INPP5D: variants seen among roughly 807,000 people sequenced by gnomAD.
INPP5D encodes phosphatidylinositol 3,4,5-trisphosphate 5-phosphatase 1.
In INPP5D, 33 loss-of-function variants were observed where a neutral mutation model predicts 122.9. The ratio of observed to expected loss-of-function variants is 0.27; its 90% CI spans 0.20 to 0.36. The LOEUF is 0.36. INPP5D is among the 10% of genes least tolerant of loss of function. INPP5D has a pLI of 1.00. For synonymous variants in INPP5D, 584 were observed against 576.2 expected (o/e 1.01, Z -0.19); for missense variants, 1,053 against 1,412.7 (o/e 0.75, Z 4.08).
chr2:233,168,067 C>T (rs1425784566), intron 13 of INPP5D, among the ~76,000 whole-genome samples: 2 of 141,922 alleles, frequency 1.4e-5, no homozygotes, highest in Non-Finnish European at 3.1e-5. Context: ...CCAAATAGAT[C>T]ATAAATAAAT....
chr2:233,077,033 T>C (rs1691537817), intron 1 of INPP5D, among the ~76,000 whole-genome samples: 2 of 152,240 alleles, frequency 1.3e-5, no homozygotes, highest in African/African-American at 4.8e-5. Context: ...CTACAATCAC[T>C]AATAAACGTC....
chr2:233,138,853 C>G (rs1042031816), intron 5 of INPP5D, among the ~76,000 whole-genome samples: 3 of 152,036 alleles, frequency 2.0e-5, no homozygotes, highest in Non-Finnish European at 2.9e-5. Flanking sequence ...TCACACCACT[C>G]TCCTGCCTCA....
In INPP5D at chr2:233,185,888, G is replaced by A. The variant is rs769312390; in HGVS notation, c.2321G>A (p.Gly774Glu). ...QEGENEEGSEGELVVKFGETL... is the reference protein window; with the variant it reads ...QEGENEEGSEEELVVKFGETL... ...GGAGAAAATGAAGAAGGAAGTGAGG[G>A]GGAGCTGGTGGTGAAGTTTGGTGAG... is the stretch of plus-strand genomic sequence containing the variant. Residue 774 changes from glycine (G) to glutamate (E), a missense_variant, in exon 21 of 27, where the codon GGG (glycine) becomes GAG (glutamate). Coordinates refer to ENST00000445964, the MANE Select transcript of INPP5D (RefSeq NM_001017915.3). 1 of 1,608,882 alleles carries A rather than the reference G, an allele frequency of 6.2e-7. No homozygotes were observed. The highest frequency in any genetic ancestry group is 8.5e-7 in the Non-Finnish European group (1 of 1,177,570).
chr2:233,116,248 G>GATAGATATAGAT (rs57412586), intron 2 of INPP5D, among the ~76,000 whole-genome samples: 6,511 of 135,166 alleles, frequency 0.048, 290 homozygotes, highest in East Asian at 0.22. Context: ...TAGATAGATA[G>GATAGATATAGAT]ATAGATATAG....
chr2:233,192,386 C>T (rs1044508751), intron 22 of INPP5D, among the ~76,000 whole-genome samples: 2 of 152,152 alleles, frequency 1.3e-5, no homozygotes, highest in Admixed American at 6.5e-5. Flanking sequence ...AAAGGAAAAA[C>T]ATCAACAGTC....
chr2:233,182,680 A>G lies in INPP5D; in HGVS notation c.2161+181A>G, dbSNP rs375679698. Reference sequence around the variant, plus strand: ...AGCACAATTGCAGTCCAGAGAATTTACTTGCTCTGCTTGGCAAGTATGTCA... The same window carrying G: ...AGCACAATTGCAGTCCAGAGAATTTGCTTGCTCTGCTTGGCAAGTATGTCA... On this transcript the variant is annotated intron_variant, in intron 19 of 26. Transcript: ENST00000445964. Among the ~76,000 whole-genome samples the G allele has an allele frequency of 3.9e-5, 6 of 152,112 alleles. No individual in the cohort carries two copies. The East Asian group carries it at 1.2e-3, about 29-fold the overall frequency.
At chr2:233,198,507 G>A (rs759828575) in intron 25 of INPP5D, 131 bp downstream of exon 25, 91 of 1,396,372 alleles carry the variant, frequency 6.5e-5, no homozygotes, top group Non-Finnish European at 7.8e-5. Flanking sequence ...ACTTATCCCT[G>A]GGGCCTGAAC....
At chr2:233,125,679 G>T in intron 3 of INPP5D, 66 bp from the exon 4 acceptor site, 26 of 1,448,206 alleles carry the variant, frequency 1.8e-5, no homozygotes, top group Non-Finnish European at 2.4e-5. Flanking sequence ...ACCCCATGGG[G>T]CTGCGGTGAA....
intron 1 of INPP5D, among the ~76,000 whole-genome samples, chr2:233,064,213 G>A (rs1429026884): frequency 1.3e-5 from 2 of 152,246 alleles, no homozygotes; most frequent in Non-Finnish European, 2.9e-5. Context: ...GCAGGAGGGC[G>A]GCGTTCCCAG....
intron 8 of INPP5D, among the ~76,000 whole-genome samples, chr2:233,147,071 A>G (rs1693781813): frequency 6.6e-6 from 1 of 152,194 alleles, no homozygotes; most frequent in South Asian, 2.1e-4. Context: ...TATTATTATC[A>G]GTAAATGTTC....
chr2:233,109,377 C>T (rs866907693), intron 2 of INPP5D, among the ~76,000 whole-genome samples: 2 of 152,194 alleles, frequency 1.3e-5, no homozygotes, highest in South Asian at 4.1e-4. Context: ...CTCGTCTATG[C>T]GCGTTGCTGT....
chr2:233,138,811 T>C (rs951259499), intron 5 of INPP5D, among the ~76,000 whole-genome samples: 5 of 152,134 alleles, frequency 3.3e-5, no homozygotes, highest in African/African-American at 1.2e-4. Flanking sequence ...AGTGGTGCGA[T>C]CTCGGCTCAC....
rs1389403663 is a variant in INPP5D, at chr2:233,079,140, G to T, written c.135-195G>T. Reference sequence around the variant, plus strand: ...GGTGCTCCCTGAGTGCAGAAGCAGTGGGGGAATAAGAGTGCCTCAGCCCAC... The same window carrying T: ...GGTGCTCCCTGAGTGCAGAAGCAGTTGGGGAATAAGAGTGCCTCAGCCCAC... On this transcript the variant is annotated intron_variant, in intron 1 of 26. Transcript: ENST00000445964. Among the ~76,000 whole-genome samples, 3 of 152,098 alleles carry T rather than the reference G, an allele frequency of 2.0e-5. No homozygotes were observed. The East Asian group carries it at 5.8e-4, about 29-fold the overall frequency.
chr2:233,113,860 C>T (rs953768428), intron 2 of INPP5D, among the ~76,000 whole-genome samples: 3 of 151,826 alleles, frequency 2.0e-5, no homozygotes, highest in Non-Finnish European at 4.4e-5. Flanking sequence ...CTGATCACAT[C>T]ACACACACAC....
chr2:233,068,438 C>T (rs73094970), intron 1 of INPP5D, among the ~76,000 whole-genome samples: 14,693 of 149,454 alleles, frequency 0.098, 1,430 homozygotes, highest in East Asian at 0.28. Flanking sequence ...ACTAAAAATA[C>T]GAAAAATTTA....
intron 2 of INPP5D, among the ~76,000 whole-genome samples, chr2:233,081,638 G>C (rs1364138756): frequency 6.6e-6 from 1 of 152,170 alleles, no homozygotes; most frequent in African/African-American, 2.4e-5. Flanking sequence ...GCAGGGGGTG[G>C]TGGTGGTGCA....
intron 25 of INPP5D, among the ~76,000 whole-genome samples, chr2:233,198,855 C>A (rs1559348050): frequency 1.3e-5 from 2 of 151,954 alleles, no homozygotes; most frequent in African/African-American, 4.8e-5. Flanking sequence ...GAGGCTGAGG[C>A]AGGAGAATTG....
chr2:233,124,294 C>T (rs976738350), intron 3 of INPP5D, among the ~76,000 whole-genome samples: 1 of 152,174 alleles, frequency 6.6e-6, no homozygotes, highest in Non-Finnish European at 1.5e-5. Flanking sequence ...CTGGCTCCTG[C>T]CTGTTCTGGG....
intron 21 of INPP5D, among the ~76,000 whole-genome samples, chr2:233,186,649 T>C (rs910306925): frequency 6.9e-6 from 1 of 144,638 alleles, no homozygotes; most frequent in South Asian, 2.3e-4. Flanking sequence ...CAAAAAAAAA[T>C]TTTTTTTCTC....
Sources: allele counts gnomAD v4.1 joint callset (sites outside exome capture counted in the v4.1 genomes callset), GRCh38; gene constraint gnomAD v4.1.1; transcripts MANE v1.5; gene names NCBI Gene and HGNC (gene_info 2026-07-23, HGNC 2026-07-21).